Variants in DLC1 observed in about 807,000 individuals in gnomAD.
DLC1 encodes the protein DLC1 Rho GTPase activating protein.
A neutral mutation model predicts 140.3 loss-of-function variants in DLC1; 54 were observed. The ratio of observed to expected loss-of-function variants is 0.38; its 90% confidence interval spans 0.31 to 0.48. DLC1 has a LOEUF of 0.48. Ranked by LOEUF, DLC1 falls within the 20% of genes least tolerant of loss-of-function variation. The pLI, the probability that DLC1 is intolerant of heterozygous loss-of-function variation, is 0.96. For synonymous variants in DLC1, 986 were observed against 728.1 expected (o/e 1.35, Z -5.70); for missense variants, 2,536 against 1,907.0 (o/e 1.33, Z -6.14).
intron 5 of DLC1, among the ~76,000 whole-genome samples, chr8:13,157,953 A>G (rs1465483514): frequency 2.6e-5 from 4 of 152,268 alleles, no homozygotes; most frequent in African/African-American, 9.6e-5. Flanking sequence ...TTACAGTAGT[A>G]GAATTCTTTG....
intron 1 of DLC1, among the ~76,000 whole-genome samples, chr8:13,599,802 A>G (rs2117495472): frequency 6.6e-6 from 1 of 151,972 alleles, no homozygotes; most frequent in East Asian, 1.9e-4. Context: ...AAGGTCCTTT[A>G]GTAGCCACAG....
chr8:13,172,095 C>G (rs1442115206), intron 5 of DLC1, among the ~76,000 whole-genome samples: 7 of 152,190 alleles, frequency 4.6e-5, no homozygotes, highest in Non-Finnish European at 1.0e-4. Context: ...TGGCATTATT[C>G]TTACGATAAC....
intron 2 of DLC1, among the ~76,000 whole-genome samples, chr8:13,428,790 C>G (rs373990287): frequency 1.3e-5 from 2 of 152,042 alleles, no homozygotes; most frequent in Admixed American, 6.5e-5. Flanking sequence ...TTGTGTTTTT[C>G]TCAATGTATA....
rs572300439 is a variant in DLC1, at chr8:13,486,812, C to A, written c.1023+12237G>T. Among the ~76,000 whole-genome samples the A allele has an allele frequency of 3.3e-5, 5 of 152,210 alleles. No homozygotes were observed. The East Asian group carries it at 7.7e-4, about 24-fold the overall frequency. On this transcript the variant is annotated intron_variant, in intron 2 of 17. Transcript: ENST00000276297. The stretch of plus-strand genomic sequence containing the variant: ...TCAAGATCTTGTGATTATCCTACAA[C>A]AAAACGAAGGCAAAATGCAAGGGAT...
chr8:13,382,431 CCA>C (rs1366827459), intron 4 of DLC1, among the ~76,000 whole-genome samples: 7 of 138,630 alleles, frequency 5.0e-5, no homozygotes, highest in East Asian at 2.3e-4. Context: ...GGCGTGAACC[CCA>C]GGGGGCGGAG....
intron 1 of DLC1, among the ~76,000 whole-genome samples, chr8:13,503,232 T>C (rs6986861): frequency 0.13 from 19,348 of 151,952 alleles, 2,275 homozygotes; most frequent in East Asian, 0.38. Context: ...AGAGAGATGA[T>C]GTTTCTACAA....
At chr8:13,268,541 T>C (rs1341078941) in intron 5 of DLC1, among the ~76,000 whole-genome samples, 2 of 152,152 alleles carry the variant, frequency 1.3e-5, no homozygotes, top group Admixed American at 1.3e-4. Flanking sequence ...CATGCCACCG[T>C]AGCTGCCTAA....
At chr8:13,520,051 G>C (rs1802716069) in intron 1 of DLC1, among the ~76,000 whole-genome samples, 1 of 152,184 alleles carries the variant, frequency 6.6e-6, no homozygotes, top group Non-Finnish European at 1.5e-5. Flanking sequence ...CAATCATTAT[G>C]TAAGACAGTG....
intron 5 of DLC1, among the ~76,000 whole-genome samples, chr8:13,175,812 A>C (rs1202614174): frequency 6.6e-6 from 1 of 152,220 alleles, no homozygotes; most frequent in Admixed American, 6.5e-5. Flanking sequence ...CAGCACAATC[A>C]TGATACAGAA....
rs111582934 is a variant in DLC1 at position 13,567,295 on chromosome 8, C to T, written c.-126+37242G>A. 2.6e-4 allele frequency: 397 copies of T among 1,551,704 alleles called. 1 individual carries two copies. The African/African-American group carries it at 4.7e-3, about 18-fold the overall frequency. ...CAAAGACTCTAACTTTGAACGGCAC[C>T]AACCAGACACCAAACTTCCAACAGA... On this transcript the variant is annotated intron_variant, in intron 1 of 1. Coordinates refer to the DLC1 transcript ENST00000631382.
intron 5 of DLC1, among the ~76,000 whole-genome samples, chr8:13,243,857 C>T (rs1829645173): frequency 6.6e-6 from 1 of 152,184 alleles, no homozygotes; most frequent in Non-Finnish European, 1.5e-5. Context: ...TTGTTGATGA[C>T]TCCGTAATTG....
intron 4 of DLC1, among the ~76,000 whole-genome samples, chr8:13,391,382 C>T (rs1201554729): frequency 1.3e-5 from 2 of 152,260 alleles, no homozygotes; most frequent in Admixed American, 1.3e-4. Flanking sequence ...TACTCGCATC[C>T]AATTTGCTTC....
chr8:13,162,748 T>C (rs913889608), intron 5 of DLC1, among the ~76,000 whole-genome samples: 2 of 152,128 alleles, frequency 1.3e-5, no homozygotes, highest in African/African-American at 2.4e-5. Flanking sequence ...GAAACCAGCC[T>C]GGGCAGCACA....
At chr8:13,346,589 G>A (rs1834353189) in intron 4 of DLC1, among the ~76,000 whole-genome samples, 1 of 152,164 alleles carries the variant, frequency 6.6e-6, no homozygotes. Flanking sequence ...TTGAGCGGCA[G>A]GTGCCACAAG....
At chr8:13,198,106 A>G (rs1235813788) in intron 5 of DLC1, among the ~76,000 whole-genome samples, 5 of 146,284 alleles carry the variant, frequency 3.4e-5, no homozygotes, top group Non-Finnish European at 7.5e-5. Flanking sequence ...ACGAAAAAGG[A>G]AAAAAAAAAA....
chr8:13,579,114 C>G (rs1355882264), intron 1 of DLC1, among the ~76,000 whole-genome samples: 1 of 150,450 alleles, frequency 6.6e-6, no homozygotes, highest in East Asian at 2.0e-4. Context: ...TCTCCTATCA[C>G]TCATTAAATG....
At chr8:13,116,279 T>C (rs1433174694) in intron 5 of DLC1, 1 of 962,506 alleles carries the variant, frequency 1.0e-6, no homozygotes, top group African/African-American at 1.8e-5. Flanking sequence ...AAATGGCTAA[T>C]AAAGCTTCTA....
At chr8:13,398,097 C>G (rs554144088) in intron 3 of DLC1, among the ~76,000 whole-genome samples, 3 of 151,740 alleles carry the variant, frequency 2.0e-5, no homozygotes, top group African/African-American at 7.3e-5. Context: ...CGCCACTGCA[C>G]TCTAGCCTGG....
chr8:13,394,312 A>G (rs1331301839), intron 3 of DLC1, among the ~76,000 whole-genome samples: 1 of 152,190 alleles, frequency 6.6e-6, no homozygotes, highest in Non-Finnish European at 1.5e-5. Flanking sequence ...ACACTCATGG[A>G]GTTTCATAAG....
Sources: gnomAD v4.1 joint callset for allele counts (sites outside exome capture counted in the v4.1 genomes callset) on GRCh38, gnomAD v4.1.1 for gene constraint, MANE v1.5 for transcripts, NCBI Gene and HGNC (gene_info 2026-07-23, HGNC 2026-07-21) for gene names.